The following MAP2K4 variants were observed in gnomAD, a reference collection of about 807,000 sequenced individuals.
MAP2K4 encodes the protein mitogen-activated protein kinase kinase 4.
In MAP2K4, 4 loss-of-function variants were observed where a neutral mutation model predicts 48.5. That is an observed-to-expected ratio of 0.08 (90% CI 0.04 to 0.19). The LOEUF (loss-of-function observed/expected upper bound fraction) is 0.19. Ranked by LOEUF, MAP2K4 falls within the 10% of genes least tolerant of loss-of-function variation. The pLI is 1.00. For missense variants in MAP2K4, 258 were observed against 493.3 expected, an observed-to-expected ratio of 0.52 and a Z score of 4.52; for synonymous variants, 166 against 173.1, an observed-to-expected ratio of 0.96 and a Z score of 0.32.
At position 12,025,474 on chromosome 17, in the gene MAP2K4, A is replaced by G. The variant is rs190692169; in HGVS notation, c.115+4473A>G. On this transcript the variant is annotated intron_variant, in intron 1 of 10. Transcript: ENST00000353533. ...GCTTAGCTGAGAAATGTCAGTTTTC[A>G]ATAGATGTTTTCTTAAAATGGTTAG... is the stretch of plus-strand genomic sequence containing the variant. Among the ~76,000 whole-genome samples the G allele has an allele frequency of 6.8e-4, 103 of 152,336 alleles. 1 individual carries two copies. The highest frequency in any genetic ancestry group is 6.7e-3 in the Admixed American group (102 of 15,300).
intron 2 of MAP2K4, among the ~76,000 whole-genome samples, chr17:12,067,234 C>G (rs59454566): frequency 0.22 from 34,030 of 152,146 alleles, 4,012 homozygotes; most frequent in Non-Finnish European, 0.25. Context: ...GAATTAAAAA[C>G]AATGTTTTAG....
At chr17:12,090,115 T>C (rs774112156) in intron 3 of MAP2K4, among the ~76,000 whole-genome samples, 9 of 152,196 alleles carry the variant, frequency 5.9e-5, no homozygotes, top group African/African-American at 2.4e-5. Flanking sequence ...CCTTTTTTAC[T>C]CTTGAGTCTT....
intron 7 of MAP2K4, 120 bp downstream of exon 7, chr17:12,113,480 C>G (rs1382779499): frequency 1.6e-6 from 2 of 1,248,066 alleles, no homozygotes; most frequent in East Asian, 4.8e-5. Flanking sequence ...TTCCCTTACC[C>G]TAAGGCCCAA....
rs1414163821 is a variant in MAP2K4, at chr17:12,060,114, GCTACAGTGTACCACTGCA to G, written c.218+5126_218+5143del. ...GGTCAGTTGAGCCCTGGAGGTTGAG[GCTACAGTGTACCACTGCA>G]CTCCAGCCTGTGTAAGAGTTGAGAC... On this transcript the variant is annotated intron_variant, in intron 2 of 10. Transcript: ENST00000353533. Among the ~76,000 whole-genome samples, 431 of 151,952 alleles carry G rather than the reference GCTACAGTGTACCACTGCA, an allele frequency of 2.8e-3. 1 individual carries two copies. Among genetic ancestry groups the G allele is most frequent in the African/African-American group, 9.7e-3 (403 of 41,432 alleles).
intron 1 of MAP2K4, among the ~76,000 whole-genome samples, chr17:12,042,204 A>G (rs1194804289): frequency 1.4e-5 from 2 of 147,680 alleles, no homozygotes; most frequent in African/African-American, 2.5e-5. Flanking sequence ...ACCATGTAGT[A>G]GTAACAGGTT....
chr17:12,129,102 CTG>C, intron 8 of MAP2K4, 35 bp from the exon 9 acceptor site: 1 of 1,605,020 alleles, frequency 6.2e-7, no homozygotes, highest in South Asian at 1.1e-5. Flanking sequence ...TAAATGATGC[CTG>C]GTGTATTTTG....
At chr17:12,037,702 A>C (rs1969643721) in intron 1 of MAP2K4, among the ~76,000 whole-genome samples, 1 of 152,080 alleles carries the variant, frequency 6.6e-6, no homozygotes, top group Non-Finnish European at 1.5e-5. Flanking sequence ...ACTAACATCT[A>C]ATATTTATTA....
At chr17:12,082,814 C>T (rs991543504) in intron 3 of MAP2K4, among the ~76,000 whole-genome samples, 6 of 152,086 alleles carry the variant, frequency 3.9e-5, no homozygotes, top group East Asian at 3.9e-4. Flanking sequence ...GTATACAAAC[C>T]GTAGACCTCT....
chr17:12,139,512 A>G (rs1005390385), intron 9 of MAP2K4, among the ~76,000 whole-genome samples: 3 of 152,210 alleles, frequency 2.0e-5, no homozygotes, highest in African/African-American at 4.8e-5. Flanking sequence ...ATATGTACAC[A>G]AATAATTTTA....
At chr17:12,122,126 C>CAGAT (rs1223414894) in intron 7 of MAP2K4, among the ~76,000 whole-genome samples, 4 of 152,220 alleles carry the variant, frequency 2.6e-5, no homozygotes, top group Non-Finnish European at 5.9e-5. Context: ...TGTTCTTAAG[C>CAGAT]AGATAGCTAC....
Position 12,141,506 on chromosome 17 carries a change from T to C in MAP2K4, c.*246T>C. On this transcript the variant is annotated 3_prime_UTR_variant, in exon 11 of 11. Transcript: ENST00000353533. ...TCCTGCTCTTTTGTGATGAACATAT[T>C]CATGAAATGTGGAAGTCAGTACGAT... 2 of 499,302 alleles carry C rather than the reference T, an allele frequency of 4.0e-6. No homozygotes were observed. The highest frequency in any genetic ancestry group is 7.2e-6 in the Non-Finnish European group (2 of 278,880). The allele number at this position is 499,302 out of a possible 1,614,324, so 30.9% of individuals were successfully genotyped here.
At chr17:12,037,808 A>G (rs1013808756) in intron 1 of MAP2K4, among the ~76,000 whole-genome samples, 1 of 152,080 alleles carries the variant, frequency 6.6e-6, no homozygotes, top group Non-Finnish European at 1.5e-5. Context: ...GTAGAAGTAG[A>G]AGTGGTATAT....
intron 3 of MAP2K4, among the ~76,000 whole-genome samples, chr17:12,085,497 G>C (rs2151552229): frequency 6.6e-6 from 1 of 151,906 alleles, no homozygotes; most frequent in East Asian, 2.0e-4. Flanking sequence ...AATGTGACCT[G>C]GTATGCAAGA....
At chr17:12,027,921 G>A (rs561930284) in intron 1 of MAP2K4, among the ~76,000 whole-genome samples, 2 of 152,290 alleles carry the variant, frequency 1.3e-5, no homozygotes, top group East Asian at 1.9e-4. Context: ...CAGAAAGATA[G>A]GGAAGGTGCC....
intron 7 of MAP2K4, among the ~76,000 whole-genome samples, chr17:12,113,878 A>G (rs1972390776): frequency 6.6e-6 from 1 of 152,198 alleles, no homozygotes. Flanking sequence ...TACACTATCC[A>G]TCCATAGATA....
At chr17:12,046,016 C>A (rs1969951125) in intron 1 of MAP2K4, among the ~76,000 whole-genome samples, 1 of 152,182 alleles carries the variant, frequency 6.6e-6, no homozygotes, top group African/African-American at 2.4e-5. Flanking sequence ...CTAGAACTCT[C>A]AGCACATGTA....
At chr17:12,073,170 C>T (rs1970875255) in intron 2 of MAP2K4, among the ~76,000 whole-genome samples, 1 of 151,948 alleles carries the variant, frequency 6.6e-6, no homozygotes, top group South Asian at 2.1e-4. Context: ...AAATTTTTAC[C>T]CAGGGATTCT....
At chr17:12,135,179 C>T (rs1973166527) in intron 9 of MAP2K4, among the ~76,000 whole-genome samples, 1 of 152,124 alleles carries the variant, frequency 6.6e-6, no homozygotes, top group Non-Finnish European at 1.5e-5. Context: ...GCCTCAACCT[C>T]CCGGTTTCAA....
chr17:12,140,449 A>T (rs1344202936), intron 10 of MAP2K4, among the ~76,000 whole-genome samples: 1 of 152,228 alleles, frequency 6.6e-6, no homozygotes, highest in Non-Finnish European at 1.5e-5. Flanking sequence ...ATGTTGTGAC[A>T]AACTTATATC....
Sources: gnomAD v4.1 joint callset for allele counts (sites outside exome capture counted in the v4.1 genomes callset) on GRCh38, gnomAD v4.1.1 for gene constraint, MANE v1.5 for transcripts, NCBI Gene and HGNC (gene_info 2026-07-23, HGNC 2026-07-21) for gene names.